Variants in PNN observed in about 807,000 individuals in gnomAD.
PNN encodes the protein pinin, desmosome associated protein, also known as pinin.
PNN carries 38 observed loss-of-function variants against 76.6 expected under a neutral mutation model. That is an observed-to-expected ratio of 0.50 (90% CI 0.38 to 0.65). The LOEUF (loss-of-function observed/expected upper bound fraction) is 0.65. Among genes scored for constraint, PNN ranks in the 30% least tolerant of loss-of-function variants. The pLI is 0.00. For missense variants in PNN, 873 were observed against 874.1 expected (o/e 1.00, Z 0.02); for synonymous variants, 366 against 283.7 (o/e 1.29, Z -2.91).
In PNN at chr14:39,175,316, G is replaced by A. The variant is rs1476767658; in HGVS notation, c.37G>A (p.Glu13Lys). The change falls in exon 1 of 9, where the codon GAA (glutamate) becomes AAA (lysine). Residue 13 changes from glutamate (E) to lysine (K), a missense_variant. By Grantham distance (56) the Glu-to-Lys change is moderately conservative. Coordinates refer to ENST00000216832, the MANE Select transcript of PNN (RefSeq NM_002687.4). ...VAVRTLQEQL[E>K]KAKESLKNVD... ...CGTGAGAACTTTGCAGGAACAGCTG[G>A]AAAAGGCCAAAGAGAGTCTTAAGAA... 6.2e-7 allele frequency: 1 copy of A among 1,610,694 alleles called. No individual in the cohort carries two copies. Among genetic ancestry groups the A allele is most frequent in the South Asian group, 1.1e-5 (1 of 90,746 alleles).
In PNN at chr14:39,182,634, C is replaced by T. The variant is rs1234801051; in HGVS notation, c.*771C>T. The T allele has an allele frequency of 1.3e-5, 2 of 152,538 alleles. No individual in the cohort carries two copies. Among genetic ancestry groups the T allele is most frequent in the Admixed American group, 6.5e-5 (1 of 15,280 alleles). The allele number at this position is 152,538 out of a possible 1,614,324, so 9.4% of individuals were successfully genotyped here. A position where few individuals can be genotyped will look rare whatever the true frequency, so the allele number is the denominator to read the frequency against. ...AACATACATCTGTTAAAGAAAATCA[C>T]TTCTTTCTAGGGGAGGGAGGTAGAA... is the stretch of plus-strand genomic sequence containing the variant. On this transcript the variant is annotated 3_prime_UTR_variant, in exon 9 of 9. Coordinates refer to ENST00000216832, the MANE Select transcript of PNN (RefSeq NM_002687.4).
Position 39,180,669 on chromosome 14 carries a change from G to A in PNN, c.960G>A (p.Glu320=), listed in dbSNP as rs1272098384. Residue 320 remains glutamate (E), a synonymous_variant, in exon 9 of 9, where the codon GAG becomes GAA. Coordinates refer to ENST00000216832, the MANE Select transcript of PNN (RefSeq NM_002687.4). Reference sequence around the variant, plus strand: ...TGGCTCAGCGAGAGGAAGAGTTGGAGGAGACAGGTAATCAGCACAATGATG... The same window carrying A: ...TGGCTCAGCGAGAGGAAGAGTTGGAAGAGACAGGTAATCAGCACAATGATG... ...GKVAQREEEL[E]ETGNQHNDVE... 6.2e-7 allele frequency: 1 copy of A among 1,611,876 alleles called. No homozygotes were observed. Among genetic ancestry groups the A allele is most frequent in the Non-Finnish European group, 8.5e-7 (1 of 1,178,794 alleles).
intron 1 of PNN, chr14:39,175,651 C>A (rs1008448113): frequency 1.9e-6 from 1 of 514,792 alleles, no homozygotes; most frequent in African/African-American, 2.0e-5. Flanking sequence ...TGAGAAGACC[C>A]GGACTGCTGA....
chr14:39,175,427 C>A (rs769457007), intron 1 of PNN, 35 bp downstream of exon 1: 7 of 1,315,882 alleles, frequency 5.3e-6, no homozygotes, highest in Non-Finnish European at 1.1e-6. Context: ...ACTCGGAGCT[C>A]GGAGAGGCAG....
chr14:39,180,777 A>G lies in PNN; in HGVS notation c.1068A>G (p.Glu356=), dbSNP rs1065616. The change falls in exon 9 of 9, where the codon GAA becomes GAG. Residue 356 remains glutamate, a synonymous_variant. Transcript: ENST00000216832. ...HSDAEKEQEE[E]EQKQEMEVKM... ...ATGCAGAGAAAGAACAGGAGGAGGAAGAACAAAAACAGGAAATGGAGGTTA... is the reference window on the plus strand; with the variant it reads ...ATGCAGAGAAAGAACAGGAGGAGGAGGAACAAAAACAGGAAATGGAGGTTA... 1 of 1,608,332 alleles carries G rather than the reference A, an allele frequency of 6.2e-7. No individual in the cohort carries two copies. Among genetic ancestry groups the G allele is most frequent in the South Asian group, 1.1e-5 (1 of 90,404 alleles).
At chr14:39,178,647 A>AC (rs943412012) in intron 6 of PNN, among the ~76,000 whole-genome samples, 3 of 141,788 alleles carry the variant, frequency 2.1e-5, no homozygotes, top group African/African-American at 8.0e-5. Flanking sequence ...AAAGCAATCC[A>AC]CCCACCTCAG....
At chr14:39,178,376 A>G (rs1359132401) in intron 6 of PNN, among the ~76,000 whole-genome samples, 1 of 152,096 alleles carries the variant, frequency 6.6e-6, no homozygotes, top group Non-Finnish European at 1.5e-5. Flanking sequence ...TACTAAAAAT[A>G]CAAAATTAGC....
Position 39,181,357 on chromosome 14 carries a change from C to T in PNN, c.1648C>T (p.Pro550Ser), listed in dbSNP as rs1436574089. The T allele has an allele frequency of 1.2e-6, 2 of 1,614,144 alleles. No homozygotes were observed. Among genetic ancestry groups the T allele is most frequent in the Admixed American group, 3.3e-5 (2 of 60,012 alleles). The part of the protein sequence containing the change: ...VPVEPVLTVH[P>S]ESKSKTKTRS... ...AGTAGAGCCAGTCTTGACAGTACATCCAGAGAGCAAGAGCAAAACCAAAAC... is the reference window on the plus strand; with the variant it reads ...AGTAGAGCCAGTCTTGACAGTACATTCAGAGAGCAAGAGCAAAACCAAAAC... Residue 550 changes from proline to serine, a missense_variant, in exon 9 of 9, where the codon CCA becomes TCA. Transcript: ENST00000216832.
Position 39,175,393 on chromosome 14 carries a change from G to T in PNN, c.113+1G>T. On this transcript the variant is annotated splice_donor_variant, in intron 1 of 8. Coordinates refer to ENST00000216832, the MANE Select transcript of PNN (RefSeq NM_002687.4). LOFTEE classifies it high-confidence loss of function. Reference sequence around the variant, plus strand: ...CCGGGCGGGATCCGAATGACGTGAGGTAAGGGCCTAACGGGAACTCGGAAC... The same window carrying T: ...CCGGGCGGGATCCGAATGACGTGAGTTAAGGGCCTAACGGGAACTCGGAAC... 6.3e-7 allele frequency: 1 copy of T among 1,583,800 alleles called. No individual in the cohort carries two copies. Among genetic ancestry groups the T allele is most frequent in the East Asian group, 2.2e-5 (1 of 44,704 alleles).
intron 6 of PNN, among the ~76,000 whole-genome samples, chr14:39,178,367 A>C (rs1692908850): frequency 6.6e-6 from 1 of 152,074 alleles, no homozygotes. Flanking sequence ...CCCTGTCTTT[A>C]CTAAAAATAC....
chr14:39,178,155 G>A (rs1414704248), intron 6 of PNN, among the ~76,000 whole-genome samples: 2 of 150,908 alleles, frequency 1.3e-5, no homozygotes, highest in African/African-American at 2.5e-5. Flanking sequence ...AAAAAAAAAA[G>A]CCTCAAGTCT....
rs748161791 is a variant in PNN, at chr14:39,176,625, T to C, written c.254+30T>C. On this transcript the variant is annotated intron_variant, in intron 3 of 8. Transcript: ENST00000216832. ...GTTTAAAAAAAGATTCCTGAAGGCTTCTTTAGTTTCTGAGGTACCACACAA... is the reference window on the plus strand; with the variant it reads ...GTTTAAAAAAAGATTCCTGAAGGCTCCTTTAGTTTCTGAGGTACCACACAA... 2.3e-6 allele frequency: 3 copies of C among 1,295,494 alleles called. No homozygotes were observed. The Admixed American group carries it at 6.0e-5, about 26-fold the overall frequency. The allele number at this position is 1,295,494 out of a possible 1,614,324, so 80.2% of individuals were successfully genotyped here. A position where few individuals can be genotyped will look rare whatever the true frequency, so the allele number is the denominator to read the frequency against.
At position 39,180,540 on chromosome 14, in the gene PNN, A is replaced by G. The variant is rs756766316; in HGVS notation, c.831A>G (p.Gln277=). The G allele has an allele frequency of 2.5e-6, 4 of 1,602,172 alleles. No individual in the cohort carries two copies. In the Admixed American group the frequency reaches 7.1e-5, roughly 28 times the overall value. ...FEGRRIEFAE[Q]INKMEARPRR... ...GTAGACGCATCGAATTTGCAGAACA[A>G]ATAAATAAAATGGAGGCTAGGCCTA... Residue 277 remains glutamine (Q), a synonymous_variant, in exon 9 of 9, where the codon CAA becomes CAG. Coordinates refer to ENST00000216832, the MANE Select transcript of PNN (RefSeq NM_002687.4).
rs760444208 is a variant in PNN, at chr14:39,177,737, A to G, written c.422+50A>G. 100 of 1,482,600 alleles carry G rather than the reference A, an allele frequency of 6.7e-5. 3 individuals are homozygous for G. The South Asian group carries it at 1.1e-3, about 16-fold the overall frequency. The allele number at this position is 1,482,600 out of a possible 1,614,324, so 91.8% of individuals were successfully genotyped here. A position where few individuals can be genotyped will look rare whatever the true frequency, so the allele number is the denominator to read the frequency against. Reference sequence around the variant, plus strand: ...CTAGTGAAATAATGCAGTTATAAGGAAAATCAAGGGATTGTTCAAGCATCC... The same window carrying G: ...CTAGTGAAATAATGCAGTTATAAGGGAAATCAAGGGATTGTTCAAGCATCC... On this transcript the variant is annotated intron_variant, in intron 5 of 8. Transcript: ENST00000216832.
rs577583647 is a variant in PNN, at chr14:39,180,454, G to T, written c.794-49G>T. On this transcript the variant is annotated intron_variant, in intron 8 of 8. Transcript: ENST00000216832. ...TGACCAGTTATAAAATTATGGCTTT[G>T]AATTTTCTTAATCGGTAAATTTTAC... 85 of 1,484,908 alleles carry T rather than the reference G, an allele frequency of 5.7e-5. No homozygotes were observed. The African/African-American group carries it at 8.0e-4, about 14-fold the overall frequency. 92.0% of individuals were successfully genotyped at this position (1,484,908 alleles called of 1,614,324 possible). A position where few individuals can be genotyped will look rare whatever the true frequency, so the allele number is the denominator to read the frequency against.
intron 8 of PNN, among the ~76,000 whole-genome samples, chr14:39,180,059 T>C (rs1264023034): frequency 6.6e-6 from 1 of 152,164 alleles, no homozygotes; most frequent in African/African-American, 2.4e-5. Flanking sequence ...CATGCTATTA[T>C]TGTTCTGATA....
Position 39,177,924 on chromosome 14 carries a change from T to A in PNN, c.498+8T>A. 1 of 1,569,862 alleles carries A rather than the reference T, an allele frequency of 6.4e-7. No individual in the cohort carries two copies. The highest frequency in any genetic ancestry group is 8.8e-7 in the Non-Finnish European group (1 of 1,142,008). On this transcript the variant is annotated splice_region_variant and intron_variant, in intron 6 of 8. Transcript: ENST00000216832. ...ACTGTTGCTACTGAAAGGGTATTTATCCAAGTTTTGTTTTGCATCATATAT... is the reference window on the plus strand; with the variant it reads ...ACTGTTGCTACTGAAAGGGTATTTAACCAAGTTTTGTTTTGCATCATATAT...
At position 39,181,284 on chromosome 14, in the gene PNN, T is replaced by A; in HGVS notation, c.1575T>A (p.Pro525=). 1 of 1,614,074 alleles carries A rather than the reference T, an allele frequency of 6.2e-7. No homozygotes were observed. Among genetic ancestry groups the A allele is most frequent in the Non-Finnish European group, 8.5e-7 (1 of 1,179,978 alleles). Residue 525 remains proline (P), a synonymous_variant, in exon 9 of 9, where the codon CCT becomes CCA. Coordinates refer to ENST00000216832, the MANE Select transcript of PNN (RefSeq NM_002687.4). Reference sequence around the variant, plus strand: ...CTCAGGAGCAAGGGCATTTACTACCTGAGAGGAAGGATTTTCCTGTAGAGT... The same window carrying A: ...CTCAGGAGCAAGGGCATTTACTACCAGAGAGGAAGGATTTTCCTGTAGAGT... The part of the protein sequence containing the change: ...QVTQEQGHLL[P]ERKDFPVESV...
chr14:39,175,802 C>T, intron 1 of PNN: 1 of 485,206 alleles, frequency 2.1e-6, no homozygotes. Context: ...CCACGTGCAG[C>T]CTCCTCGGGG....
Sources: gnomAD v4.1 joint callset for allele counts (sites outside exome capture counted in the v4.1 genomes callset) on GRCh38, gnomAD v4.1.1 for gene constraint, MANE v1.5 for transcripts, NCBI Gene and HGNC (gene_info 2026-07-23, HGNC 2026-07-21) for gene names.